The following PCDH15 variants were observed in gnomAD, a reference collection of about 807,000 sequenced individuals.
PCDH15 encodes the protein protocadherin-15.
Under a neutral mutation model 178.5 loss-of-function variants are expected in PCDH15, and 129 were observed. That is an observed-to-expected ratio of 0.72 (90% CI 0.63 to 0.84). The LOEUF (loss-of-function observed/expected upper bound fraction) is 0.84, where lower values mean the gene tolerates loss of function less well. Among genes scored for constraint, PCDH15 ranks in the 40% least tolerant of loss-of-function variants. PCDH15 has a pLI of 0.00. For synonymous variants in PCDH15, 800 were observed against 732.0 expected (o/e 1.09, Z -1.50); for missense variants, 2,230 against 2,099.9 (o/e 1.06, Z -1.21).
At chr10:54,840,577 T>G (rs1953400671) in intron 3 of PCDH15, among the ~76,000 whole-genome samples, 1 of 151,798 alleles carries the variant, frequency 6.6e-6, no homozygotes, top group South Asian at 2.1e-4. Flanking sequence ...ATGGCAAAAC[T>G]AAGTCCTTAC....
intron 3 of PCDH15, among the ~76,000 whole-genome samples, chr10:54,403,986 A>T (rs1209533960): frequency 2.6e-5 from 4 of 152,096 alleles, no homozygotes; most frequent in Middle Eastern, 3.4e-3. Flanking sequence ...CAAATGGAAA[A>T]CATTCCATGC....
chr10:54,496,371 A>T (rs191024001), intron 3 of PCDH15, among the ~76,000 whole-genome samples: 1 of 152,192 alleles, frequency 6.6e-6, no homozygotes, highest in Non-Finnish European at 1.5e-5. Flanking sequence ...CACCTTCCTC[A>T]TAATGTCTGA....
At chr10:54,540,821 G>A (rs564953827) in intron 2 of PCDH15, among the ~76,000 whole-genome samples, 1 of 152,160 alleles carries the variant, frequency 6.6e-6, no homozygotes, top group African/African-American at 2.4e-5. Flanking sequence ...TTATCAAGTA[G>A]GCTTCATTCC....
In PCDH15 at chr10:54,657,256, T is replaced by C. The variant is rs115823706; in HGVS notation, c.91+6916A>G. 4.3e-3 allele frequency among the ~76,000 whole-genome samples: 650 copies of C among 152,114 alleles called. 5 individuals carry two copies. Among genetic ancestry groups the C allele is most frequent in the African/African-American group, 0.014 (562 of 41,502 alleles). On this transcript the variant is annotated intron_variant, in intron 2 of 37. Transcript: ENST00000644397. ...AACAGCGGCATGATAGGGAAGCAGA[T>C]CACATTCCTGTCTGCCCAGGATGAG... is the stretch of plus-strand genomic sequence containing the variant.
intron 1 of PCDH15, among the ~76,000 whole-genome samples, chr10:54,744,377 T>C (rs12412639): frequency 0.05 from 7,584 of 152,218 alleles, 227 homozygotes; most frequent in East Asian, 0.097. Context: ...TGCTGCTTTA[T>C]CCAGTAAGAT....
At chr10:54,748,911 T>A (rs572663169) in intron 1 of PCDH15, among the ~76,000 whole-genome samples, 24 of 152,314 alleles carry the variant, frequency 1.6e-4, no homozygotes, top group African/African-American at 5.8e-4. Flanking sequence ...TGGATTTGTT[T>A]GTATATTATG....
At chr10:55,279,834 CA>C (rs1428680270) in intron 1 of PCDH15, among the ~76,000 whole-genome samples, 2 of 152,128 alleles carry the variant, frequency 1.3e-5, no homozygotes, top group African/African-American at 4.8e-5. Flanking sequence ...CTTATCAAAA[CA>C]AAATGCTCAG....
chr10:54,105,750 A>G (rs534255643), intron 15 of PCDH15, among the ~76,000 whole-genome samples: 13 of 152,298 alleles, frequency 8.5e-5, no homozygotes, highest in Non-Finnish European at 7.4e-5. Flanking sequence ...AGTATTAACC[A>G]TCACAGTATC....
intron 5 of PCDH15, among the ~76,000 whole-genome samples, chr10:54,347,901 T>G (rs1222776196): frequency 2.0e-5 from 3 of 152,024 alleles, no homozygotes; most frequent in Non-Finnish European, 4.4e-5. Flanking sequence ...CAGGCTGGAG[T>G]GCAGTGGCAC....
intron 1 of PCDH15, among the ~76,000 whole-genome samples, chr10:54,666,895 G>T (rs2094581239): frequency 6.6e-6 from 1 of 151,798 alleles, no homozygotes; most frequent in African/African-American, 2.4e-5. Context: ...AAGCTAATTT[G>T]GTTTCATGGA....
intron 2 of PCDH15, among the ~76,000 whole-genome samples, chr10:55,384,166 T>C (rs1249382537): frequency 6.6e-6 from 1 of 152,138 alleles, no homozygotes; most frequent in African/African-American, 2.4e-5. Flanking sequence ...GTTTACCAAT[T>C]ATAAAATATC....
chr10:54,194,242 G>A (rs10825267), intron 11 of PCDH15, among the ~76,000 whole-genome samples: 35,048 of 151,884 alleles, frequency 0.23, 6,065 homozygotes, highest in African/African-American at 0.49. Flanking sequence ...CTAATTTCCT[G>A]AAGTGATTAT....
At chr10:55,620,960 A>G (rs1194246397) in intron 2 of PCDH15, among the ~76,000 whole-genome samples, 3 of 151,780 alleles carry the variant, frequency 2.0e-5, no homozygotes, top group African/African-American at 2.4e-5. Context: ...AAAGAACATA[A>G]CATGTCATGC....
intron 18 of PCDH15, among the ~76,000 whole-genome samples, chr10:54,058,510 C>T (rs2093946687): frequency 1.3e-5 from 2 of 152,014 alleles, no homozygotes; most frequent in Non-Finnish European, 2.9e-5. Flanking sequence ...AAGACCTGCC[C>T]TGATGATTCA....
At chr10:53,928,670 G>A (rs892491136) in intron 25 of PCDH15, among the ~76,000 whole-genome samples, 1 of 151,824 alleles carries the variant, frequency 6.6e-6, no homozygotes, top group Non-Finnish European at 1.5e-5. Context: ...CATTTAATAG[G>A]GCTTAGTGTG....
chr10:54,737,366 T>TG (rs1944255144), intron 1 of PCDH15, among the ~76,000 whole-genome samples: 1 of 152,102 alleles, frequency 6.6e-6, no homozygotes, highest in Non-Finnish European at 1.5e-5. Context: ...CAAAATGGTG[T>TG]ATACATCAAT....
At chr10:54,026,441 G>T (rs982346401) in intron 18 of PCDH15, among the ~76,000 whole-genome samples, 1 of 152,078 alleles carries the variant, frequency 6.6e-6, no homozygotes, top group Non-Finnish European at 1.5e-5. Context: ...GCTAAATGGG[G>T]CATCCTCACC....
chr10:54,908,133 A>G (rs929088225), intron 2 of PCDH15, among the ~76,000 whole-genome samples: 3 of 152,158 alleles, frequency 2.0e-5, no homozygotes, highest in African/African-American at 7.2e-5. Context: ...GCTGGTTCTG[A>G]TAACTCAGCC....
At chr10:54,034,596 G>C (rs965223757) in intron 18 of PCDH15, among the ~76,000 whole-genome samples, 6 of 146,618 alleles carry the variant, frequency 4.1e-5, no homozygotes, top group Non-Finnish European at 7.6e-5. Flanking sequence ...AACAACTTAT[G>C]TTTCTCTATC....
Sources: gnomAD v4.1 joint callset for allele counts (sites outside exome capture counted in the v4.1 genomes callset) on GRCh38, gnomAD v4.1.1 for gene constraint, MANE v1.5 for transcripts, NCBI Gene and HGNC (gene_info 2026-07-23, HGNC 2026-07-21) for gene names.